SYNPR: variants seen among roughly 807,000 people sequenced by gnomAD.
SYNPR encodes the protein synaptoporin.
SYNPR carries 23 observed loss-of-function variants against 32.9 expected under a neutral mutation model. That is an observed-to-expected ratio of 0.70 (90% CI 0.50 to 0.99). The LOEUF is 0.99. Among genes scored for constraint, SYNPR ranks in the 50% least tolerant of loss-of-function variants. SYNPR has a pLI of 0.00. For missense variants in SYNPR, 318 were observed against 349.3 expected (o/e 0.91, Z 0.71); for synonymous variants, 146 against 135.9 (o/e 1.07, Z -0.52).
chr3:63,220,742 G>A, the SYNPR span, among the ~76,000 whole-genome samples: 3 of 152,144 alleles, frequency 2.0e-5, no homozygotes, highest in South Asian at 2.1e-4. Flanking sequence ...AGCACCAGCT[G>A]TCCACCCTCT....
chr3:63,561,893 G>A (rs1312861070), intron 4 of SYNPR, among the ~76,000 whole-genome samples: 2 of 152,132 alleles, frequency 1.3e-5, no homozygotes, highest in African/African-American at 2.4e-5. Context: ...TACTGAATAT[G>A]TATGACAAGA....
At chr3:63,500,685 G>A (rs1028498990) in intron 3 of SYNPR, among the ~76,000 whole-genome samples, 2 of 152,148 alleles carry the variant, frequency 1.3e-5, no homozygotes, top group South Asian at 2.1e-4. Flanking sequence ...TTCCCAGGAT[G>A]TTCCAGCTCT....
chr3:63,417,706 A>C (rs1459095237), intron 2 of SYNPR, among the ~76,000 whole-genome samples: 1 of 152,232 alleles, frequency 6.6e-6, no homozygotes, highest in African/African-American at 2.4e-5. Context: ...GCTCAACCCC[A>C]TGTGGAAGCT....
intron 4 of SYNPR, among the ~76,000 whole-genome samples, chr3:63,597,439 G>A (rs781143383): frequency 5.2e-4 from 79 of 152,182 alleles, no homozygotes; most frequent in Non-Finnish European, 7.8e-4. Flanking sequence ...TTTCTTTGAC[G>A]AAAAAACATG....
In SYNPR at chr3:63,345,158, T is replaced by C. The variant is rs934838113; in HGVS notation, c.84+66416T>C. ...TAACTATGCCTAGGTTTTAGCAGAATTCATGCTCTCACATAATTTTAATCT... is the reference window on the plus strand; with the variant it reads ...TAACTATGCCTAGGTTTTAGCAGAACTCATGCTCTCACATAATTTTAATCT... On this transcript the variant is annotated intron_variant, in intron 2 of 5. Transcript: ENST00000478300. Among the ~76,000 whole-genome samples the C allele has an allele frequency of 8.5e-5, 13 of 152,244 alleles. No individual in the cohort carries two copies. In the East Asian group the frequency reaches 9.6e-4, roughly 11 times the overall value.
At chr3:63,390,408 A>G (rs1180367371) in intron 2 of SYNPR, among the ~76,000 whole-genome samples, 1 of 152,312 alleles carries the variant, frequency 6.6e-6, no homozygotes, top group East Asian at 1.9e-4. Context: ...AAGGTTAGAG[A>G]TAAATGAGAG....
intron 2 of SYNPR, among the ~76,000 whole-genome samples, chr3:63,317,812 T>A (rs1400907005): frequency 6.6e-6 from 1 of 152,022 alleles, no homozygotes; most frequent in Non-Finnish European, 1.5e-5. Context: ...GTTTGTTTTT[T>A]ATTTTTGCTT....
At chr3:63,281,078 T>A (rs1397532075) in intron 2 of SYNPR, among the ~76,000 whole-genome samples, 2 of 152,168 alleles carry the variant, frequency 1.3e-5, no homozygotes, top group African/African-American at 2.4e-5. Flanking sequence ...GTGCACACAA[T>A]GGCTTGAGGA....
At chr3:63,234,310 C>A (rs2086185850) in intron 1 of SYNPR, among the ~76,000 whole-genome samples, 1 of 152,134 alleles carries the variant, frequency 6.6e-6, no homozygotes, top group Non-Finnish European at 1.5e-5. Context: ...AATTACCTCC[C>A]ACCAGGTCTC....
At chr3:63,440,933 T>C (rs1559500043) in intron 2 of SYNPR, among the ~76,000 whole-genome samples, 1 of 152,188 alleles carries the variant, frequency 6.6e-6, no homozygotes, top group Non-Finnish European at 1.5e-5. Flanking sequence ...CAAATCTGCA[T>C]AATGGGGACA....
At chr3:63,385,243 T>C (rs2088024995) in intron 2 of SYNPR, among the ~76,000 whole-genome samples, 1 of 152,188 alleles carries the variant, frequency 6.6e-6, no homozygotes, top group Non-Finnish European at 1.5e-5. Flanking sequence ...TGAACAGGAC[T>C]ATTATTTTCC....
chr3:63,393,644 T>C (rs1322156324), intron 2 of SYNPR, among the ~76,000 whole-genome samples: 1 of 151,842 alleles, frequency 6.6e-6, no homozygotes, highest in Non-Finnish European at 1.5e-5. Flanking sequence ...ACTGCAGGTG[T>C]GCTCCACCAC....
chr3:63,343,527 C>T (rs1401649871), intron 2 of SYNPR, among the ~76,000 whole-genome samples: 2 of 152,176 alleles, frequency 1.3e-5, no homozygotes, highest in African/African-American at 4.8e-5. Context: ...CCCTGCTGGA[C>T]TGAACTCCTG....
chr3:63,547,357 TC>T (rs1159594810), intron 3 of SYNPR, among the ~76,000 whole-genome samples: 1 of 152,108 alleles, frequency 6.6e-6, no homozygotes, highest in Non-Finnish European at 1.5e-5. Flanking sequence ...GTGCATATTT[TC>T]CAGGCCTGTT....
chr3:63,217,894 T>C, the SYNPR span, among the ~76,000 whole-genome samples: 1 of 152,166 alleles, frequency 6.6e-6, no homozygotes, highest in African/African-American at 2.4e-5. Context: ...GAATTGCAAA[T>C]CCATGCTCTC....
intron 2 of SYNPR, among the ~76,000 whole-genome samples, chr3:63,405,000 A>G (rs1169578086): frequency 2.0e-5 from 3 of 152,084 alleles, no homozygotes; most frequent in Non-Finnish European, 4.4e-5. Flanking sequence ...CTTATTCAAC[A>G]AACATTTGTT....
chr3:63,483,175 G>A (rs951398705), intron 3 of SYNPR, among the ~76,000 whole-genome samples: 1 of 152,168 alleles, frequency 6.6e-6, no homozygotes, highest in Non-Finnish European at 1.5e-5. Context: ...CATGTAATAT[G>A]CATGTAATGA....
rs1047388576 is a variant in SYNPR, at chr3:63,333,697, T to C, written c.84+54955T>C. On this transcript the variant is annotated intron_variant, in intron 2 of 5. Coordinates refer to ENST00000478300, the MANE Select transcript of SYNPR (RefSeq NM_001130003.2). ...CTTTCCAAAGTGCTTGGATTACAGGTACGAGCCACTATTCCTGGCCCAGGA... is the reference window on the plus strand; with the variant it reads ...CTTTCCAAAGTGCTTGGATTACAGGCACGAGCCACTATTCCTGGCCCAGGA... Among the ~76,000 whole-genome samples, 69 of 152,240 alleles carry C rather than the reference T, an allele frequency of 4.5e-4. 2 individuals are homozygous for C. The highest frequency in any genetic ancestry group is 1.6e-3 in the African/African-American group (67 of 41,554).
At chr3:63,367,858 G>A (rs1216061402) in intron 2 of SYNPR, among the ~76,000 whole-genome samples, 1 of 152,164 alleles carries the variant, frequency 6.6e-6, no homozygotes, top group East Asian at 1.9e-4. Flanking sequence ...AAGAGGGCAA[G>A]CACAATCACT....
Sources: gnomAD v4.1 joint callset for allele counts (sites outside exome capture counted in the v4.1 genomes callset) on GRCh38, gnomAD v4.1.1 for gene constraint, MANE v1.5 for transcripts, NCBI Gene and HGNC (gene_info 2026-07-23, HGNC 2026-07-21) for gene names.